CREB5: variants seen among roughly 807,000 people sequenced by gnomAD.
CREB5 encodes cyclic AMP-responsive element-binding protein 5.
A neutral mutation model predicts 57.1 loss-of-function variants in CREB5; 19 were observed. The ratio of observed to expected loss-of-function variants is 0.33; its 90% CI spans 0.23 to 0.49. The LOEUF (loss-of-function observed/expected upper bound fraction) is 0.49. CREB5 is among the 20% of genes least tolerant of loss of function. The pLI, the probability that CREB5 is intolerant of heterozygous loss-of-function variation, is 0.99. For missense variants in CREB5, 579 were observed against 671.6 expected, an observed-to-expected ratio of 0.86 and a Z score of 1.52; for synonymous variants, 238 against 238.3, an observed-to-expected ratio of 1.00 and a Z score of 0.01.
At chr7:28,313,152 G>A (rs565995658) in intron 1 of CREB5, among the ~76,000 whole-genome samples, 8 of 152,220 alleles carry the variant, frequency 5.3e-5, no homozygotes, top group South Asian at 2.1e-4. Context: ...TAGTATGTAC[G>A]CAGCTGTTAT....
intron 2 of CREB5, among the ~76,000 whole-genome samples, chr7:28,489,296 CTTTTT>C (rs70977046): frequency 2.1e-5 from 2 of 96,646 alleles, no homozygotes; most frequent in African/African-American, 8.7e-5. Context: ...GAGGACCCTT[CTTTTT>C]TTTTTTTTTT....
At chr7:28,620,270 A>G (rs1039259742) in intron 5 of CREB5, among the ~76,000 whole-genome samples, 17 of 152,272 alleles carry the variant, frequency 1.1e-4, no homozygotes, top group East Asian at 1.9e-4. Context: ...GGGTCTCACT[A>G]TGTTACCCAG....
chr7:28,494,370 C>T (rs912190728), intron 2 of CREB5, among the ~76,000 whole-genome samples: 1 of 152,138 alleles, frequency 6.6e-6, no homozygotes, highest in Admixed American at 6.5e-5. Context: ...TAGGACACAG[C>T]TCATTTTTTT....
At chr7:28,734,206 C>CAAAAAAAAAAAA (rs61403862) in intron 7 of CREB5, among the ~76,000 whole-genome samples, 2 of 96,438 alleles carry the variant, frequency 2.1e-5, no homozygotes, top group Non-Finnish European at 3.8e-5. Context: ...TTCAGTAGTT[C>CAAAAAAAAAAAA]AAAAAAAAAA....
intron 1 of CREB5, among the ~76,000 whole-genome samples, chr7:28,455,572 T>C (rs1790058075): frequency 1.3e-5 from 2 of 152,160 alleles, no homozygotes; most frequent in South Asian, 2.1e-4. Context: ...GAATCACAGA[T>C]AGGTATGAGC....
At chr7:28,554,217 G>T (rs1428375726) in intron 4 of CREB5, among the ~76,000 whole-genome samples, 2 of 152,166 alleles carry the variant, frequency 1.3e-5, no homozygotes, top group African/African-American at 4.8e-5. Context: ...TCCTACTCTT[G>T]CCTCCATTTA....
At chr7:28,308,063 C>T (rs2127980580) in intron 1 of CREB5, among the ~76,000 whole-genome samples, 1 of 152,220 alleles carries the variant, frequency 6.6e-6, no homozygotes, top group South Asian at 2.1e-4. Flanking sequence ...GCCTGGGCAT[C>T]CTGGATGAGA....
In CREB5 at chr7:28,825,780, A is replaced by C. The variant is rs1810028712; in HGVS notation, c.*6501A>C. ...GACAATGAGTTCATTAAGACTGTTC[A>C]ACTAGGTCAGATTTTTACATCTCTT... On this transcript the variant is annotated 3_prime_UTR_variant, in exon 11 of 11. Coordinates refer to ENST00000357727, the MANE Select transcript of CREB5 (RefSeq NM_182898.4). 6.5e-6 allele frequency: 1 copy of C among 152,678 alleles called. No individual in the cohort carries two copies. Among genetic ancestry groups the C allele is most frequent in the Admixed American group, 6.5e-5 (1 of 15,276 alleles). 9.5% of individuals were successfully genotyped at this position (152,678 alleles called of 1,614,324 possible). A position where few individuals can be genotyped will look rare whatever the true frequency, so the allele number is the denominator to read the frequency against.
intron 7 of CREB5, among the ~76,000 whole-genome samples, chr7:28,794,259 G>A (rs1807897482): frequency 6.6e-6 from 1 of 152,182 alleles, no homozygotes. Context: ...CAGGTTTGCA[G>A]GTGCTGAGAC....
intron 4 of CREB5, among the ~76,000 whole-genome samples, chr7:28,546,284 A>T (rs1794421071): frequency 6.6e-6 from 1 of 152,244 alleles, no homozygotes. Flanking sequence ...TTGTTTATCC[A>T]TTCCTCAATA....
intron 5 of CREB5, among the ~76,000 whole-genome samples, chr7:28,588,205 G>A (rs987115219): frequency 5.3e-5 from 8 of 152,234 alleles, no homozygotes; most frequent in Middle Eastern, 3.4e-3. Context: ...TATACGTAGC[G>A]GTACTGTTTC....
chr7:28,644,599 GTTTCAATTTGAAATTTTGAA>G (rs1218572706), intron 5 of CREB5, among the ~76,000 whole-genome samples: 1 of 151,786 alleles, frequency 6.6e-6, no homozygotes, highest in Admixed American at 6.6e-5. Flanking sequence ...AAAACATTAT[GTTTCAATTTGAAATTTTGAA>G]TTTCAATTTG....
chr7:28,732,801 G>A (rs1267421120), intron 7 of CREB5, among the ~76,000 whole-genome samples: 5 of 149,018 alleles, frequency 3.4e-5, no homozygotes, highest in Admixed American at 6.7e-5. Context: ...TGGGGCATTC[G>A]GGTAGACAGA....
chr7:28,307,313 A>T (rs1785208409), intron 1 of CREB5, among the ~76,000 whole-genome samples: 1 of 152,192 alleles, frequency 6.6e-6, no homozygotes, highest in African/African-American at 2.4e-5. Flanking sequence ...TAGCCTCATG[A>T]ATGGATTAGT....
At chr7:28,708,354 A>T (rs141811956) in intron 5 of CREB5, among the ~76,000 whole-genome samples, 1 of 152,096 alleles carries the variant, frequency 6.6e-6, no homozygotes, top group Non-Finnish European at 1.5e-5. Context: ...TCCCCTGCCA[A>T]TGTATCGTGG....
At chr7:28,767,053 T>C (rs1212879245) in intron 7 of CREB5, among the ~76,000 whole-genome samples, 1 of 152,210 alleles carries the variant, frequency 6.6e-6, no homozygotes, top group African/African-American at 2.4e-5. Flanking sequence ...CAAAGAGTAA[T>C]ACACACTTGG....
intron 1 of CREB5, among the ~76,000 whole-genome samples, chr7:28,421,103 A>C (rs1283227616): frequency 6.6e-6 from 1 of 152,098 alleles, no homozygotes; most frequent in Non-Finnish European, 1.5e-5. Context: ...AATACTGTAC[A>C]TTGCACCCAC....
At chr7:28,581,381 G>A (rs216749) in intron 5 of CREB5, among the ~76,000 whole-genome samples, 1,779 of 152,264 alleles carry the variant, frequency 0.012, 35 homozygotes, top group African/African-American at 0.041. Flanking sequence ...CAGAAGCTGC[G>A]CCTGGTGAAA....
intron 5 of CREB5, among the ~76,000 whole-genome samples, chr7:28,579,898 T>G (rs1796054902): frequency 6.6e-6 from 1 of 152,216 alleles, no homozygotes; most frequent in African/African-American, 2.4e-5. Context: ...TGACCGACTC[T>G]CAGGGATCTC....
Sources: gnomAD v4.1 joint callset for allele counts (sites outside exome capture counted in the v4.1 genomes callset) on GRCh38, gnomAD v4.1.1 for gene constraint, MANE v1.5 for transcripts, NCBI Gene and HGNC (gene_info 2026-07-23, HGNC 2026-07-21) for gene names.